Variants in FBXL18 observed in about 807,000 individuals in gnomAD.
The protein encoded by FBXL18 is F-box and leucine rich repeat protein 18.
In FBXL18, 36 loss-of-function variants were observed where a neutral mutation model predicts 46.0. The ratio of observed to expected loss-of-function variants is 0.78; its 90% CI spans 0.60 to 1.03. FBXL18 has a LOEUF of 1.03. Ranked by LOEUF, FBXL18 falls within the 50% of genes least tolerant of loss-of-function variation. The probability of loss-of-function intolerance (pLI) is 0.00; values close to 1 mark genes in which losing one functional copy is unlikely to be tolerated. For synonymous variants in FBXL18, 557 were observed against 465.3 expected, an observed-to-expected ratio of 1.20 and a Z score of -2.54; for missense variants, 977 against 1,004.1, an observed-to-expected ratio of 0.97 and a Z score of 0.36.
At chr7:5,497,279 G>A (rs558561808) in intron 3 of FBXL18, among the ~76,000 whole-genome samples, 2 of 151,908 alleles carry the variant, frequency 1.3e-5, no homozygotes, top group Admixed American at 6.6e-5. Context: ...CTGAAAAGTC[G>A]CCCGTCTGGT....
intron 4 of FBXL18, among the ~76,000 whole-genome samples, chr7:5,463,694 C>CTATATATATA (rs1439946097): frequency 4.6e-4 from 28 of 61,486 alleles, no homozygotes; most frequent in African/African-American, 2.0e-3. Flanking sequence ...TGCCCCTGAA[C>CTATATATATA]TATATATATA....
chr7:5,510,759 G>A (rs987891054), intron 1 of FBXL18, among the ~76,000 whole-genome samples: 6 of 151,412 alleles, frequency 4.0e-5, no homozygotes, highest in Non-Finnish European at 8.8e-5. Context: ...ACAGGGCCTG[G>A]ACTCCTAAGC....
rs1251916191 is a variant in FBXL18 at position 5,501,674 on chromosome 7, G to A, written c.595C>T (p.Leu199Phe). 6.2e-7 allele frequency: 1 copy of A among 1,608,984 alleles called. No individual in the cohort carries two copies. The highest frequency in any genetic ancestry group is 8.5e-7 in the Non-Finnish European group (1 of 1,177,366). Residue 199 changes from leucine (L) to phenylalanine (F), a missense_variant, in exon 3 of 5, where the codon CTC (leucine) becomes TTC (phenylalanine). By Grantham distance (22) the Leu-to-Phe change is conservative. Coordinates refer to ENST00000382368, the MANE Select transcript of FBXL18 (RefSeq NM_024963.6). ...PCCTSLEKLL[L>F]YFEILDRTRE... ...GTGCGGTCCAGAATCTCGAAGTAGA[G>A]CAGCAGCTTCTCTAGGCTGGTGCAG...
chr7:5,507,116 T>C (rs938904216), intron 1 of FBXL18, among the ~76,000 whole-genome samples: 1 of 152,060 alleles, frequency 6.6e-6, no homozygotes, highest in Non-Finnish European at 1.5e-5. Context: ...ACATCATCTT[T>C]CTGGGGACTG....
chr7:5,483,499 C>A (rs1014971485), intron 4 of FBXL18, among the ~76,000 whole-genome samples: 1 of 150,708 alleles, frequency 6.6e-6, no homozygotes. Context: ...AATCCCAGCA[C>A]TTTGGGAGGC....
intron 4 of FBXL18, among the ~76,000 whole-genome samples, chr7:5,461,806 T>C (rs1370338537): frequency 3.3e-5 from 5 of 152,118 alleles, no homozygotes; most frequent in African/African-American, 1.2e-4. Context: ...CCAGGCATGA[T>C]GGCGGGCGCC....
Position 5,478,140 on chromosome 7 carries a change from A to T in FBXL18, c.*3635T>A, listed in dbSNP as rs1783559783. On this transcript the variant is annotated 3_prime_UTR_variant, in exon 5 of 5. Coordinates refer to ENST00000382368, the MANE Select transcript of FBXL18 (RefSeq NM_024963.6). The stretch of plus-strand genomic sequence containing the variant: ...CCTGGCTGCCGTCCTGGGTCGAAGC[A>T]GCAAGTGTCTTCCCGCCCTGTGCAC... 1 of 152,368 alleles carries T rather than the reference A, an allele frequency of 6.6e-6. No homozygotes were observed. The highest frequency in any genetic ancestry group is 1.5e-5 in the Non-Finnish European group (1 of 68,146). 9.4% of individuals were successfully genotyped at this position (152,368 alleles called of 1,614,324 possible).
chr7:5,498,151 G>A (rs548284314), intron 3 of FBXL18, among the ~76,000 whole-genome samples: 29 of 148,540 alleles, frequency 2.0e-4, no homozygotes, highest in Non-Finnish European at 4.0e-4. Context: ...CCAGTGGCGC[G>A]ATCTCGGCTC....
rs1433823821 is a variant in FBXL18 at position 5,463,038 on chromosome 7, A to G, written c.2001-15195T>C. Among the ~76,000 whole-genome samples the G allele has an allele frequency of 4.3e-5, 6 of 140,326 alleles. No homozygotes were observed. The East Asian group carries it at 6.1e-4, about 14-fold the overall frequency. The allele number at this position is 140,326 out of a possible 152,430, so 92.1% of individuals were successfully genotyped here. A position where few individuals can be genotyped will look rare whatever the true frequency, so the allele number is the denominator to read the frequency against. ...ACATGCATAAATGACCAGTGAGCAC[A>G]TGCAAAGAAGCCCAACCTTATTAAC... On this transcript the variant is annotated intron_variant and NMD_transcript_variant, in intron 4 of 6. Transcript: ENST00000415009.
intron 4 of FBXL18, among the ~76,000 whole-genome samples, chr7:5,488,506 G>T (rs1488147291): frequency 6.6e-6 from 1 of 152,158 alleles, no homozygotes; most frequent in Non-Finnish European, 1.5e-5. Context: ...GGCCCCCATC[G>T]CCACAGGAAG....
At position 5,478,051 on chromosome 7, in the gene FBXL18, G is replaced by A. The variant is rs1408779301; in HGVS notation, c.*3724C>T. Reference sequence around the variant, plus strand: ...GTCCGGACCCAGGGTGTGGTTGAGGGAGGGCGCTGCTGAGCTGGCAGGCAA... The same window carrying A: ...GTCCGGACCCAGGGTGTGGTTGAGGAAGGGCGCTGCTGAGCTGGCAGGCAA... On this transcript the variant is annotated 3_prime_UTR_variant, in exon 5 of 5. Transcript: ENST00000382368. 6.6e-6 allele frequency: 1 copy of A among 152,376 alleles called. No individual in the cohort carries two copies. Among genetic ancestry groups the A allele is most frequent in the African/African-American group, 2.4e-5 (1 of 41,476 alleles). 9.4% of individuals were successfully genotyped at this position (152,376 alleles called of 1,614,324 possible). A position where few individuals can be genotyped will look rare whatever the true frequency, so the allele number is the denominator to read the frequency against.
intron 4 of FBXL18, among the ~76,000 whole-genome samples, chr7:5,461,607 C>T (rs1783247384): frequency 1.3e-5 from 2 of 152,092 alleles, no homozygotes; most frequent in African/African-American, 4.8e-5. Context: ...CGTGCCACTA[C>T]ACTCTGGCCT....
chr7:5,493,147 C>T (rs990841506), intron 3 of FBXL18, among the ~76,000 whole-genome samples: 4 of 152,110 alleles, frequency 2.6e-5, no homozygotes, highest in African/African-American at 7.2e-5. Flanking sequence ...AGAGCCTGGG[C>T]GACATAGTGA....
At chr7:5,483,069 A>G (rs947292984) in intron 4 of FBXL18, among the ~76,000 whole-genome samples, 1 of 151,448 alleles carries the variant, frequency 6.6e-6, no homozygotes, top group Non-Finnish European at 1.5e-5. Flanking sequence ...GAAGAAAAGA[A>G]AATACAAAGA....
chr7:5,491,380 C>G lies in FBXL18; in HGVS notation c.1851G>C (p.Gln617His). ...FQALSQCPSL[Q>H]RLCLVSRSGT... ...CGCTGCGAGAGACCAGGCACAGGCG[C>G]TGCAGCGAGGGGCACTGGCTCAGCG... The change falls in exon 4 of 5, where the codon CAG (glutamine) becomes CAC (histidine). Residue 617 changes from glutamine to histidine, a missense_variant. Physicochemically the swap from Gln to His is conservative, Grantham distance 24. Transcript: ENST00000382368. 6.2e-7 allele frequency: 1 copy of G among 1,608,736 alleles called. No individual in the cohort carries two copies. The highest frequency in any genetic ancestry group is 8.5e-7 in the Non-Finnish European group (1 of 1,178,484).
At chr7:5,488,607 C>G (rs939617722) in intron 4 of FBXL18, among the ~76,000 whole-genome samples, 1 of 152,222 alleles carries the variant, frequency 6.6e-6, no homozygotes, top group Non-Finnish European at 1.5e-5. Flanking sequence ...GCAACGCCCA[C>G]TCCCAAGTCC....
intron 4 of FBXL18, chr7:5,489,064 C>T (rs1456248051): frequency 6.6e-6 from 2 of 302,952 alleles, no homozygotes; most frequent in Non-Finnish European, 1.3e-5. Context: ...CTGGTTCCAC[C>T]GCAGGCGAAG....
intron 1 of FBXL18, among the ~76,000 whole-genome samples, chr7:5,509,143 A>T (rs891504377): frequency 1.3e-5 from 2 of 150,622 alleles, no homozygotes; most frequent in Admixed American, 1.3e-4. Context: ...CAGTGAGCCG[A>T]GATCGCACCA....
At chr7:5,507,107 C>T (rs1362468560) in intron 1 of FBXL18, among the ~76,000 whole-genome samples, 1 of 152,152 alleles carries the variant, frequency 6.6e-6, no homozygotes, top group African/African-American at 2.4e-5. Flanking sequence ...ATCTCCACTA[C>T]ATCATCTTTC....
Sources: allele counts gnomAD v4.1 joint callset (sites outside exome capture counted in the v4.1 genomes callset), GRCh38; gene constraint gnomAD v4.1.1; transcripts MANE v1.5; gene names NCBI Gene and HGNC (gene_info 2026-07-23, HGNC 2026-07-21).